Variants in DDX11 observed in about 807,000 individuals in gnomAD.
DDX11 encodes the protein ATP-dependent DNA helicase DDX11.
A neutral mutation model predicts 125.2 loss-of-function variants in DDX11; 72 were observed. That is an observed-to-expected ratio of 0.58 (90% CI 0.48 to 0.70). The LOEUF is 0.70. Among genes scored for constraint, DDX11 ranks in the 30% least tolerant of loss-of-function variants. The pLI, the probability that DDX11 is intolerant of heterozygous loss-of-function variation, is 0.00. For synonymous variants in DDX11, 347 were observed against 452.6 expected, an observed-to-expected ratio of 0.77 and a Z score of 2.96; for missense variants, 883 against 1,165.0, an observed-to-expected ratio of 0.76 and a Z score of 3.52.
At chr12:31,102,692 T>C (rs10771804) in intron 23 of DDX11, 165 bp downstream of exon 23, 343,821 of 712,322 alleles carry the variant, frequency 0.48, 90,223 homozygotes, top group East Asian at 0.85. Context: ...CTGGGTTTGG[T>C]CCTGGGAGAG....
chr12:31,093,491 G>T (rs1944619551), intron 12 of DDX11, 167 bp downstream of exon 12: 4 of 852,062 alleles, frequency 4.7e-6, no homozygotes, highest in Non-Finnish European at 7.7e-6. Flanking sequence ...GAGGCAGGTG[G>T]TTCACCTGAG....
At chr12:31,087,061 TTG>T (rs1943290517) in intron 5 of DDX11, among the ~76,000 whole-genome samples, 1 of 149,378 alleles carries the variant, frequency 6.7e-6, no homozygotes. Context: ...TCAGATGGTT[TTG>T]TGTTTTCTGA....
Position 31,089,805 on chromosome 12 carries a change from A to G in DDX11, c.881-81A>G, listed in dbSNP as rs1294980975. The G allele has an allele frequency of 4.5e-6, 7 of 1,556,412 alleles. No homozygotes were observed. The African/African-American group carries it at 9.5e-5, about 21-fold the overall frequency. On this transcript the variant is annotated intron_variant, in intron 8 of 26. Transcript: ENST00000542838. ...ACCCTACCCCATGGAAGTGGGTCTC[A>G]ACATTACACAACCCCCTCTTGGGCC...
Position 31,099,084 on chromosome 12 carries a change from C to CTTTTTTTTTTTTTTTTTTTTT in DDX11, c.1875+1088_1875+1108dup, listed in dbSNP as rs763612105. 6.6e-4 allele frequency among the ~76,000 whole-genome samples: 42 copies of CTTTTTTTTTTTTTTTTTTTTT among 63,714 alleles called. 2 individuals carry two copies. Among genetic ancestry groups the CTTTTTTTTTTTTTTTTTTTTT allele is most frequent in the African/African-American group, 7.9e-4 (10 of 12,698 alleles). 41.8% of individuals were successfully genotyped at this position (63,714 alleles called of 152,430 possible). A position where few individuals can be genotyped will look rare whatever the true frequency, so the allele number is the denominator to read the frequency against. On this transcript the variant is annotated intron_variant, in intron 18 of 26. Coordinates refer to ENST00000542838, the MANE Select transcript of DDX11 (RefSeq NM_030653.4). ...CATACTGGTATTTCTTTCTTTCTTT[C>CTTTTTTTTTTTTTTTTTTTTT]TTTTTTTTTTTTTTTTTTTTTGAGA... is the stretch of plus-strand genomic sequence containing the variant.
intron 2 of DDX11, among the ~76,000 whole-genome samples, chr12:31,080,409 A>T (rs1195978029): frequency 6.6e-6 from 1 of 151,844 alleles, no homozygotes; most frequent in Non-Finnish European, 1.5e-5. Flanking sequence ...CTCAGCTTCC[A>T]CTTAGAGCCC....
chr12:31,096,526 G>T, intron 15 of DDX11, 111 bp from the exon 16 acceptor site: 1 of 1,587,936 alleles, frequency 6.3e-7, no homozygotes. Context: ...TGCTGGGGTG[G>T]TGGGATGTGT....
In DDX11 at chr12:31,089,188, T is replaced by C. The variant is rs555921687; in HGVS notation, c.792+37T>C. 396 of 1,572,018 alleles carry C rather than the reference T, an allele frequency of 2.5e-4. 1 individual carries two copies. The highest frequency in any genetic ancestry group is 3.3e-5 in the Admixed American group (2 of 59,860). On this transcript the variant is annotated intron_variant, in intron 7 of 26. Coordinates refer to ENST00000542838, the MANE Select transcript of DDX11 (RefSeq NM_030653.4). ...CCAGTATTTCCACCAGGGGCCATCC[T>C]GCTCCTTTCGCCACAACTTTGTCCT...
intron 21 of DDX11, 104 bp from the exon 22 acceptor site, chr12:31,102,139 T>C (rs1354735983): frequency 7.6e-7 from 1 of 1,311,386 alleles, no homozygotes; most frequent in Middle Eastern, 2.2e-4. Context: ...AGTCCCTGGC[T>C]GTGAGGTTCT....
intron 19 of DDX11, 157 bp from the exon 20 acceptor site, chr12:31,100,870 T>G: frequency 9.4e-7 from 1 of 1,063,196 alleles, no homozygotes; most frequent in Non-Finnish European, 1.4e-6. Flanking sequence ...CTTTGCTCCC[T>G]GCTGCCTGCT....
rs1944559915 is a variant in DDX11, at chr12:31,093,249, C to T, written c.1294C>T (p.Arg432Cys). The change falls in exon 12 of 27, where the codon CGT (arginine) becomes TGT (cysteine). Residue 432 changes from arginine (R) to cysteine (C), a missense_variant. Arg to Cys is a radical substitution (Grantham distance 180). Coordinates refer to ENST00000542838, the MANE Select transcript of DDX11 (RefSeq NM_030653.4). ...LLQYVERYGKRLKAKNLMYLK... is the reference protein window; with the variant it reads ...LLQYVERYGKCLKAKNLMYLK... Reference sequence around the variant, plus strand: ...TGTCCGTTGGCTTCTTCTCAGGAAGCGTTTGAAGGCCAAGAACCTGATGTA... The same window carrying T: ...TGTCCGTTGGCTTCTTCTCAGGAAGTGTTTGAAGGCCAAGAACCTGATGTA... The T allele has an allele frequency of 2.5e-6, 4 of 1,612,244 alleles. No homozygotes were observed. The highest frequency in any genetic ancestry group is 2.7e-5 in the African/African-American group (2 of 74,774).
chr12:31,088,768 A>G (rs1028541320), intron 6 of DDX11, among the ~76,000 whole-genome samples: 3 of 152,012 alleles, frequency 2.0e-5, no homozygotes, highest in Non-Finnish European at 4.4e-5. Flanking sequence ...AGATTGGCCA[A>G]CCCCCCAAAA....
chr12:31,099,126 C>T (rs1253184997), intron 18 of DDX11, among the ~76,000 whole-genome samples: 12 of 121,318 alleles, frequency 9.9e-5, no homozygotes, highest in African/African-American at 3.8e-4. Flanking sequence ...CTCGCTCTGT[C>T]TCCCAGGCTG....
chr12:31,089,850 C>T (rs1174564162), intron 8 of DDX11, 36 bp from the exon 9 acceptor site: 1 of 1,609,754 alleles, frequency 6.2e-7, no homozygotes, highest in Non-Finnish European at 8.5e-7. Context: ...TTGCTGTCCT[C>T]TCTGTTTTCT....
At chr12:31,086,334 T>C (rs1943142255) in intron 5 of DDX11, 1 of 377,086 alleles carries the variant, frequency 2.7e-6, no homozygotes, top group African/African-American at 2.1e-5. Context: ...AACCACGTCT[T>C]TATAGTTTGA....
chr12:31,078,103 G>A (rs1177269393), intron 1 of DDX11: 2 of 953,124 alleles, frequency 2.1e-6, no homozygotes, highest in Non-Finnish European at 3.0e-6. Flanking sequence ...AGAGGCATTA[G>A]AAAGGTATCG....
At chr12:31,077,379 A>G (rs1405672794) in intron 1 of DDX11, among the ~76,000 whole-genome samples, 1 of 152,170 alleles carries the variant, frequency 6.6e-6, no homozygotes, top group African/African-American at 2.4e-5. Flanking sequence ...TGGTCTCAGT[A>G]CTGGGAAGCT....
rs768694164 is a variant in DDX11 at position 31,097,926 on chromosome 12, C to G, written c.1804C>G (p.Pro602Ala). The change falls in exon 18 of 27, where the codon CCA becomes GCA. Residue 602 changes from proline (P) to alanine (A), a missense_variant. By Grantham distance (27) the Pro-to-Ala change is conservative. Around this residue, in one of 5 missense-constraint regions of DDX11, gnomAD observed 241 missense variants for 279.7 expected, o/e 0.86. Coordinates refer to ENST00000542838, the MANE Select transcript of DDX11 (RefSeq NM_030653.4). ...CACCCTGAAGTTTTTGCTCCTGAAT[C>G]CAGCTGTGCACTTTGCCCAAGTGGT... ...QSTLKFLLLNPAVHFAQVVKE... is the reference protein window; with the variant it reads ...QSTLKFLLLNAAVHFAQVVKE... 3 of 1,613,758 alleles carry G rather than the reference C, an allele frequency of 1.9e-6. No homozygotes were observed. The highest frequency in any genetic ancestry group is 3.3e-5 in the Admixed American group (2 of 60,004).
At chr12:31,101,261 GC>G in intron 20 of DDX11, 131 bp downstream of exon 20, 1 of 786,768 alleles carries the variant, frequency 1.3e-6, no homozygotes, top group Non-Finnish European at 2.2e-6. Context: ...CCCGCTTAGA[GC>G]CACACAGAAT....
chr12:31,101,359 ACCTCCAGGCAT>A (rs1946346002), intron 20 of DDX11: 1 of 588,594 alleles, frequency 1.7e-6, no homozygotes, highest in South Asian at 1.9e-5. Flanking sequence ...TATTCATAAA[ACCTCCAGGCAT>A]CCTCTGAGGA....
Sources: allele counts gnomAD v4.1 joint callset (sites outside exome capture counted in the v4.1 genomes callset), GRCh38; gene constraint gnomAD v4.1.1; regional missense constraint gnomAD v4.1.1; transcripts MANE v1.5; gene names NCBI Gene and HGNC (gene_info 2026-07-23, HGNC 2026-07-21).